The following C3orf22 variants were observed in gnomAD, a reference collection of about 807,000 sequenced individuals.
C3orf22 encodes the protein uncharacterized protein C3orf22.
C3orf22 carries 7 observed loss-of-function variants against 10.8 expected under a neutral mutation model. The ratio of observed to expected loss-of-function variants is 0.65; its 90% CI spans 0.37 to 1.22. C3orf22 has a LOEUF of 1.22. Among genes scored for constraint, C3orf22 ranks in the 50% most tolerant of loss-of-function variants. The pLI is 0.02. For missense variants in C3orf22, 173 were observed against 177.0 expected (o/e 0.98, Z 0.13); for synonymous variants, 79 against 78.9 (o/e 1.00, Z 0.00).
At chr3:126,545,300 T>G (rs937354788), downstream of C3orf22, among the ~76,000 whole-genome samples, 1 of 152,270 alleles carries the variant, frequency 6.6e-6, no homozygotes, top group South Asian at 2.1e-4. Context: ...TAAAGTTGGA[T>G]AGTGCTGGCA....
rs373556472 is a variant in C3orf22 at position 126,549,967 on chromosome 3, G to A, written c.327C>T (p.Arg109=). 6.2e-7 allele frequency: 1 copy of A among 1,614,064 alleles called. No individual in the cohort carries two copies. The highest frequency in any genetic ancestry group is 8.5e-7 in the Non-Finnish European group (1 of 1,180,054). The change falls in exon 4 of 4, where the codon CGC becomes CGT. Residue 109 remains arginine, a synonymous_variant. Coordinates refer to ENST00000318225, the MANE Select transcript of C3orf22 (RefSeq NM_152533.3). The part of the protein sequence containing the change: ...NLWELKLLSR[R]FPRQLAFLLS... ...GCAGGAAGGCGAGTTGTCTGGGGAA[G>A]CGGCGACTCAGCAACTTGAGTTCCC...
At chr3:126,558,296 T>C (rs1387676511) in intron 1 of C3orf22, among the ~76,000 whole-genome samples, 1 of 152,110 alleles carries the variant, frequency 6.6e-6, no homozygotes, top group Non-Finnish European at 1.5e-5. Flanking sequence ...TCAGGATGGG[T>C]GGCCTGTGCT....
intron 4 of C3orf22, among the ~76,000 whole-genome samples, chr3:126,530,795 C>T (rs1936641430): frequency 1.3e-5 from 2 of 152,252 alleles, no homozygotes. Context: ...TCTGGAGACG[C>T]AAGGTCAAAT....
chr3:126,537,336 G>A (rs981533001), intron 4 of C3orf22, among the ~76,000 whole-genome samples: 1 of 152,196 alleles, frequency 6.6e-6, no homozygotes. Context: ...CTGGAGAAGT[G>A]GGCAGCACGC....
At chr3:126,530,171 G>A (rs1158091011) in intron 4 of C3orf22, among the ~76,000 whole-genome samples, 1 of 152,256 alleles carries the variant, frequency 6.6e-6, no homozygotes, top group African/African-American at 2.4e-5. Flanking sequence ...GCAGGGCCCA[G>A]GCTCCTCGGG....
intron 3 of C3orf22, 137 bp from the exon 4 acceptor site, chr3:126,550,215 C>G: frequency 1.1e-6 from 1 of 940,458 alleles, no homozygotes; most frequent in Non-Finnish European, 1.6e-6. Flanking sequence ...CTTGACCTGG[C>G]CCCTTCCACA....
intron 4 of C3orf22, among the ~76,000 whole-genome samples, chr3:126,540,783 A>G (rs1458312129): frequency 6.6e-6 from 1 of 152,188 alleles, no homozygotes; most frequent in Non-Finnish European, 1.5e-5. Flanking sequence ...AGGAACTGCC[A>G]AACTGCTTTC....
intron 4 of C3orf22, chr3:126,542,364 C>T (rs1056523): frequency 0.24 from 374,248 of 1,560,244 alleles, 46,835 homozygotes; most frequent in Admixed American, 0.31. Context: ...GAGACGCTGG[C>T]GGAGGACGCG....
downstream of C3orf22, among the ~76,000 whole-genome samples, chr3:126,544,836 T>C (rs1401363500): frequency 6.6e-6 from 1 of 152,264 alleles, no homozygotes; most frequent in Non-Finnish European, 1.5e-5. Context: ...GTGTACATGC[T>C]GCAGGCACCC....
intron 5 of C3orf22, among the ~76,000 whole-genome samples, chr3:126,528,123 G>A (rs1017835732): frequency 6.6e-6 from 1 of 151,570 alleles, no homozygotes; most frequent in Admixed American, 6.6e-5. Context: ...CCTGGGGTGT[G>A]AATGGATGTG....
intron 4 of C3orf22, among the ~76,000 whole-genome samples, chr3:126,543,927 C>G (rs1937025555): frequency 6.6e-6 from 1 of 152,174 alleles, no homozygotes. Context: ...AGCCTGGGCC[C>G]TTCCCCCACT....
rs768341431 is a variant in C3orf22 at position 126,553,368 on chromosome 3, T to A, written c.23A>T (p.Lys8Met). 1.9e-6 allele frequency: 3 copies of A among 1,614,012 alleles called. No individual in the cohort carries two copies. Residue 8 changes from lysine (K) to methionine (M), a missense_variant, in exon 2 of 4, where the codon AAG (lysine) becomes ATG (methionine). By Grantham distance (95) the Lys-to-Met change is moderately conservative. Transcript: ENST00000318225. MDSSACK[K>M]SHQSKKWRIQ... ...CCTCCACTTCTTACTCTGGTGAGAC[T>A]TCTTGCAGGCACTGGAGTCCATCAC...
intron 4 of C3orf22, chr3:126,542,043 T>C: frequency 6.3e-7 from 1 of 1,575,474 alleles, no homozygotes; most frequent in Non-Finnish European, 8.6e-7. Context: ...AACCGGCGCC[T>C]GCGCGCCTAC....
chr3:126,541,325 G>A (rs996018883), intron 4 of C3orf22, among the ~76,000 whole-genome samples: 18 of 152,190 alleles, frequency 1.2e-4, no homozygotes, highest in Non-Finnish European at 2.5e-4. Context: ...GCCCACAAGC[G>A]GCTGCAGTTT....
intron 4 of C3orf22, chr3:126,542,502 G>A (rs1056522): frequency 0.3 from 478,479 of 1,571,118 alleles, 74,755 homozygotes; most frequent in African/African-American, 0.45. Context: ...TTCTACCAGC[G>A]GCGCCTCTTC....
downstream of C3orf22, chr3:126,549,601 A>G: frequency 7.3e-7 from 1 of 1,366,208 alleles, no homozygotes. Flanking sequence ...TAATCCTCAC[A>G]CCAACCCTGC....
At chr3:126,545,888 G>A (rs1341610992), downstream of C3orf22, among the ~76,000 whole-genome samples, 3 of 152,232 alleles carry the variant, frequency 2.0e-5, no homozygotes, top group Non-Finnish European at 4.4e-5. Context: ...TTGGAGCCCA[G>A]GACCCTTCTC....
At chr3:126,552,827 A>G (rs1316693918) in intron 2 of C3orf22, among the ~76,000 whole-genome samples, 2 of 152,304 alleles carry the variant, frequency 1.3e-5, no homozygotes, top group African/African-American at 4.8e-5. Context: ...CGCCCCAGGC[A>G]TTGCTGGCAA....
At position 126,528,697 on chromosome 3, in the gene C3orf22, A is replaced by G. The variant is rs1246369265; in HGVS notation, c.*218+435T>C. Among the ~76,000 whole-genome samples, 3 of 152,014 alleles carry G rather than the reference A, an allele frequency of 2.0e-5. No homozygotes were observed. In the East Asian group the frequency reaches 5.8e-4, roughly 29 times the overall value. On this transcript the variant is annotated intron_variant and NMD_transcript_variant, in intron 5 of 5. Coordinates refer to the C3orf22 transcript ENST00000505070. ...GCCGACAGGACTGTGCTCAAGGGGG[A>G]TCTGGGCAGACTGGGGTTCCATTCT...
Sources: gnomAD v4.1 joint callset for allele counts (sites outside exome capture counted in the v4.1 genomes callset) on GRCh38, gnomAD v4.1.1 for gene constraint, MANE v1.5 for transcripts, NCBI Gene and HGNC (gene_info 2026-07-23, HGNC 2026-07-21) for gene names.